The following CTNNA3 variants were observed in gnomAD, a reference collection of about 807,000 sequenced individuals.
CTNNA3 encodes catenin alpha-3.
Under a neutral mutation model 95.7 loss-of-function variants are expected in CTNNA3, and 76 were observed. The ratio of observed to expected loss-of-function variants is 0.79; its 90% CI spans 0.66 to 0.96. The LOEUF (loss-of-function observed/expected upper bound fraction) is 0.96. Ranked by LOEUF, CTNNA3 falls within the 40% of genes least tolerant of loss-of-function variation. The pLI, the probability that CTNNA3 is intolerant of heterozygous loss-of-function variation, is 0.00. For missense variants in CTNNA3, 1,191 were observed against 1,089.8 expected (o/e 1.09, Z -1.31); for synonymous variants, 431 against 374.4 (o/e 1.15, Z -1.74).
At chr10:66,182,878 C>T (rs16922565) in intron 13 of CTNNA3, among the ~76,000 whole-genome samples, 2,106 of 152,180 alleles carry the variant, frequency 0.014, 76 homozygotes, top group East Asian at 0.099. Context: ...GTCAAACTTA[C>T]CCTGAGTCAA....
intron 3 of CTNNA3, among the ~76,000 whole-genome samples, chr10:67,569,346 A>G (rs1841911671): frequency 6.6e-6 from 1 of 152,176 alleles, no homozygotes. Context: ...CATATAGACA[A>G]GCTGATTTAA....
At chr10:66,772,317 T>C (rs1323700176) in intron 8 of CTNNA3, among the ~76,000 whole-genome samples, 1 of 150,684 alleles carries the variant, frequency 6.6e-6, no homozygotes, top group African/African-American at 2.4e-5. Flanking sequence ...CCCAGCTACT[T>C]AGGAGGCTGA....
intron 2 of CTNNA3, among the ~76,000 whole-genome samples, chr10:67,618,546 G>C (rs1030360376): frequency 1.3e-5 from 2 of 152,062 alleles, no homozygotes; most frequent in Non-Finnish European, 2.9e-5. Flanking sequence ...ATCTACCTTA[G>C]ATGGTCAGAT....
chr10:67,379,817 C>A (rs542102807), intron 5 of CTNNA3, among the ~76,000 whole-genome samples: 2 of 151,732 alleles, frequency 1.3e-5, no homozygotes, highest in African/African-American at 2.4e-5. Context: ...GTCAGGAGAT[C>A]GAGAGCATCC....
intron 1 of CTNNA3, among the ~76,000 whole-genome samples, chr10:67,719,354 T>C (rs1005184558): frequency 7.5e-5 from 11 of 147,290 alleles, no homozygotes; most frequent in Non-Finnish European, 3.1e-5. Context: ...TTTGAATTTG[T>C]TTGCTCTTGC....
At chr10:66,163,516 C>A (rs1022401390) in intron 13 of CTNNA3, among the ~76,000 whole-genome samples, 2 of 152,274 alleles carry the variant, frequency 1.3e-5, no homozygotes, top group Non-Finnish European at 2.9e-5. Context: ...AGAGGAGGGT[C>A]TCCCTTTCCC....
chr10:65,942,593 C>T (rs751968559), intron 17 of CTNNA3, among the ~76,000 whole-genome samples: 6 of 152,154 alleles, frequency 3.9e-5, no homozygotes, highest in Non-Finnish European at 7.3e-5. Flanking sequence ...TTCATTGCCT[C>T]TTTTCTTTCT....
chr10:66,486,185 A>C (rs551523925), intron 11 of CTNNA3, among the ~76,000 whole-genome samples: 1 of 152,346 alleles, frequency 6.6e-6, no homozygotes, highest in East Asian at 1.9e-4. Flanking sequence ...TATAGGCAGC[A>C]AAAGCGAAAA....
intron 17 of CTNNA3, among the ~76,000 whole-genome samples, chr10:65,936,955 C>G (rs1021339973): frequency 6.6e-6 from 1 of 151,772 alleles, no homozygotes; most frequent in African/African-American, 2.4e-5. Flanking sequence ...AACTTGTTGA[C>G]ATGACAATTA....
Position 67,566,041 on chromosome 10 carries a change from G to A in CTNNA3, c.293-26372C>T, listed in dbSNP as rs867316225. On this transcript the variant is annotated intron_variant, in intron 3 of 17. Coordinates refer to ENST00000433211, the MANE Select transcript of CTNNA3 (RefSeq NM_013266.4). ...AACACACACACACACATATGTGTGTGTGTATATATATATATATATATATAT... is the reference window on the plus strand; with the variant it reads ...AACACACACACACACATATGTGTGTATGTATATATATATATATATATATAT... Among the ~76,000 whole-genome samples the A allele has an allele frequency of 9.1e-3, 266 of 29,346 alleles. 23 individuals carry two copies. In the East Asian group the frequency reaches 0.25, roughly 28 times the overall value. The allele number at this position is 29,346 out of a possible 152,430, so 19.3% of individuals were successfully genotyped here. A position where few individuals can be genotyped will look rare whatever the true frequency, so the allele number is the denominator to read the frequency against.
chr10:66,202,980 GA>G (rs2087529442), intron 13 of CTNNA3, among the ~76,000 whole-genome samples: 1 of 152,172 alleles, frequency 6.6e-6, no homozygotes, highest in Non-Finnish European at 1.5e-5. Flanking sequence ...GTATGGACTA[GA>G]AATGTAAATA....
chr10:66,268,217 T>A (rs1314360390), intron 13 of CTNNA3, among the ~76,000 whole-genome samples: 1 of 152,026 alleles, frequency 6.6e-6, no homozygotes, highest in Non-Finnish European at 1.5e-5. Flanking sequence ...CTTTTGACCT[T>A]TACACTCTTT....
At chr10:67,670,089 T>C (rs1384035346) in intron 1 of CTNNA3, among the ~76,000 whole-genome samples, 10 of 152,114 alleles carry the variant, frequency 6.6e-5, no homozygotes, top group Admixed American at 6.6e-4. Context: ...CAAATGACAC[T>C]AAGAAAAAAT....
rs532225159 is a variant in CTNNA3 at position 66,280,550 on chromosome 10, C to A, written c.1804G>T (p.Asp602Tyr). 1.7e-5 allele frequency: 27 copies of A among 1,609,510 alleles called. No individual in the cohort carries two copies. In the East Asian group the frequency reaches 5.6e-4, roughly 33 times the overall value. Residue 602 changes from aspartate (D) to tyrosine (Y), a missense_variant, in exon 13 of 18, where the codon GAT (aspartate) becomes TAT (tyrosine). By Grantham distance (160) the Asp-to-Tyr change is radical (BLOSUM62 -3). Coordinates refer to ENST00000433211, the MANE Select transcript of CTNNA3 (RefSeq NM_013266.4). ...GAGATGTCCACAAATTGATTATCATCCAACACATTCAATGAGCTTTTGCTT... is the reference window on the plus strand; with the variant it reads ...GAGATGTCCACAAATTGATTATCATACAACACATTCAATGAGCTTTTGCTT... ...ALSKSSLNVL[D>Y]DNQFVDISKK...
intron 15 of CTNNA3, among the ~76,000 whole-genome samples, chr10:66,033,352 A>G (rs954251875): frequency 6.6e-6 from 1 of 151,340 alleles, no homozygotes; most frequent in Non-Finnish European, 1.5e-5. Context: ...AGCCGGGATG[A>G]TCTCGATCTC....
At chr10:67,316,211 T>A (rs2132538826) in intron 5 of CTNNA3, among the ~76,000 whole-genome samples, 1 of 152,300 alleles carries the variant, frequency 6.6e-6, no homozygotes, top group South Asian at 2.1e-4. Context: ...GATCCCATTT[T>A]CCTAAAATTA....
chr10:65,944,182 A>T (rs181964279), intron 17 of CTNNA3, among the ~76,000 whole-genome samples: 1 of 152,306 alleles, frequency 6.6e-6, no homozygotes, highest in East Asian at 1.9e-4. Flanking sequence ...CTTTCAAATC[A>T]CCCTTCCCAA....
At chr10:67,052,833 C>G (rs182434351) in intron 7 of CTNNA3, 1 of 151,550 alleles carries the variant, frequency 6.6e-6, no homozygotes, top group East Asian at 1.9e-4. Flanking sequence ...TGAATGAAAA[C>G]AAAAAACAAA....
chr10:66,098,940 A>G (rs1376572657), intron 14 of CTNNA3: 1 of 152,204 alleles, frequency 6.6e-6, no homozygotes, highest in African/African-American at 2.4e-5. Context: ...CAGACTCTAA[A>G]TCATTATATG....
Sources: gnomAD v4.1 joint callset for allele counts (sites outside exome capture counted in the v4.1 genomes callset) on GRCh38, gnomAD v4.1.1 for gene constraint, MANE v1.5 for transcripts, NCBI Gene and HGNC (gene_info 2026-07-23, HGNC 2026-07-21) for gene names.